COL4A2: variants seen among roughly 807,000 people sequenced by gnomAD.
COL4A2 encodes the protein collagen alpha-2(IV) chain.
COL4A2 carries 99 observed loss-of-function variants against 200.2 expected under a neutral mutation model. The ratio of observed to expected loss-of-function variants is 0.49; its 90% CI spans 0.42 to 0.58. The LOEUF is 0.58. Among genes scored for constraint, COL4A2 ranks in the 20% least tolerant of loss-of-function variants. The pLI, the probability that COL4A2 is intolerant of heterozygous loss-of-function variation, is 0.00. For synonymous variants in COL4A2, 897 were observed against 900.6 expected, an observed-to-expected ratio of 1.00 and a Z score of 0.07; for missense variants, 1,950 against 2,314.1, an observed-to-expected ratio of 0.84 and a Z score of 3.23.
chr13:110,419,046 T>C (rs1313778374), intron 4 of COL4A2, among the ~76,000 whole-genome samples: 2 of 152,190 alleles, frequency 1.3e-5, no homozygotes, highest in African/African-American at 4.8e-5. Flanking sequence ...AGAAATTAAC[T>C]AGGTCTTAGG....
chr13:110,510,578 T>C (rs1884049865), intron 47 of COL4A2, among the ~76,000 whole-genome samples: 2 of 152,164 alleles, frequency 1.3e-5, no homozygotes, highest in Non-Finnish European at 2.9e-5. Flanking sequence ...TGTGCACTTA[T>C]GCACGTGTGT....
chr13:110,361,350 C>T (rs1877504092), intron 4 of COL4A2, among the ~76,000 whole-genome samples: 1 of 152,182 alleles, frequency 6.6e-6, no homozygotes, highest in South Asian at 2.1e-4. Flanking sequence ...ACAGAGCTTG[C>T]TGTCGAAAGG....
chr13:110,425,662 T>C (rs1195711423), intron 6 of COL4A2, among the ~76,000 whole-genome samples: 1 of 152,212 alleles, frequency 6.6e-6, no homozygotes. Flanking sequence ...CGGCTACTGC[T>C]GTGGTTCTGA....
chr13:110,330,155 T>G (rs1875841134), intron 3 of COL4A2, among the ~76,000 whole-genome samples: 1 of 152,228 alleles, frequency 6.6e-6, no homozygotes, highest in African/African-American at 2.4e-5. Flanking sequence ...CCCCTTTAAC[T>G]GAGAATGGAC....
At chr13:110,449,848 GCA>G in intron 19 of COL4A2, 59 bp downstream of exon 19, 1 of 1,492,120 alleles carries the variant, frequency 6.7e-7, no homozygotes. Context: ...TCAGGTCCTA[GCA>G]CACACAAGGG....
chr13:110,351,142 G>A (rs778992660), intron 3 of COL4A2, among the ~76,000 whole-genome samples: 29 of 152,020 alleles, frequency 1.9e-4, no homozygotes, highest in South Asian at 4.2e-4. Flanking sequence ...TCCACCTCCC[G>A]GGCTCAAGCC....
At chr13:110,481,558 T>G (rs71445072) in intron 31 of COL4A2, among the ~76,000 whole-genome samples, 1,295 of 104,642 alleles carry the variant, frequency 0.012, 1 homozygote, top group African/African-American at 0.045. Flanking sequence ...TGCTCTGTCC[T>G]TCCATTGCTG....
chr13:110,495,608 G>T, intron 40 of COL4A2, 141 bp downstream of exon 40: 1 of 1,084,522 alleles, frequency 9.2e-7, no homozygotes, highest in Non-Finnish European at 1.3e-6. Context: ...AGGACTACCT[G>T]TTGCAGGACC....
In COL4A2 at chr13:110,513,152, G is replaced by A. The variant is rs894364714; in HGVS notation, c.*961G>A. 2.6e-5 allele frequency: 4 copies of A among 152,078 alleles called. No homozygotes were observed. The highest frequency in any genetic ancestry group is 5.9e-5 in the Non-Finnish European group (4 of 68,034). 9.4% of individuals were successfully genotyped at this position (152,078 alleles called of 1,614,324 possible). A position where few individuals can be genotyped will look rare whatever the true frequency, so the allele number is the denominator to read the frequency against. ...CATCTCAGTAGAGTTGAACCCATTC[G>A]TGGTATTACAGCCATTTCTCGGGGA... On this transcript the variant is annotated 3_prime_UTR_variant, in exon 48 of 48. Transcript: ENST00000360467.
At chr13:110,421,168 G>GA in intron 4 of COL4A2, among the ~76,000 whole-genome samples, 1 of 152,262 alleles carries the variant, frequency 6.6e-6, no homozygotes, top group African/African-American at 2.4e-5. Context: ...AGTCAGTGTG[G>GA]AAAAAGAAAT....
chr13:110,424,060 T>C (rs7984789), intron 4 of COL4A2, among the ~76,000 whole-genome samples: 145,941 of 152,222 alleles, frequency 0.96, 69,999 homozygotes, highest in East Asian at 1. Flanking sequence ...AGTGGAATCG[T>C]GGGATCCCGT....
In COL4A2 at chr13:110,513,166, A is replaced by G. The variant is rs1014606177; in HGVS notation, c.*975A>G. 3.9e-5 allele frequency: 6 copies of G among 151,952 alleles called. No individual in the cohort carries two copies. The highest frequency in any genetic ancestry group is 1.5e-4 in the African/African-American group (6 of 41,352). The allele number at this position is 151,952 out of a possible 1,614,324, so 9.4% of individuals were successfully genotyped here. On this transcript the variant is annotated 3_prime_UTR_variant, in exon 48 of 48. Transcript: ENST00000360467. The stretch of plus-strand genomic sequence containing the variant: ...TGAACCCATTCGTGGTATTACAGCC[A>G]TTTCTCGGGGAATGTGTTTGTTTAT...
intron 24 of COL4A2, among the ~76,000 whole-genome samples, chr13:110,464,742 G>T (rs763082188): frequency 2.6e-5 from 4 of 152,094 alleles, no homozygotes; most frequent in Non-Finnish European, 5.9e-5. Flanking sequence ...GAGCTTATGC[G>T]CATGGCTGTT....
chr13:110,507,889 C>T (rs1233453203), intron 46 of COL4A2, 46 bp from the exon 47 acceptor site: 1 of 1,588,574 alleles, frequency 6.3e-7, no homozygotes, highest in East Asian at 2.2e-5. Context: ...GCAGGTGCGT[C>T]TTCTAGCCAC....
intron 16 of COL4A2, among the ~76,000 whole-genome samples, chr13:110,444,136 C>G (rs1473470529): frequency 6.6e-6 from 1 of 152,226 alleles, no homozygotes; most frequent in African/African-American, 2.4e-5. Flanking sequence ...AGTTGTCCCC[C>G]TTCCCCAATG....
Position 110,503,241 on chromosome 13 carries a change from C to T in COL4A2, c.3998C>T (p.Pro1333Leu), listed in dbSNP as rs1207836357. The T allele has an allele frequency of 6.2e-7, 1 of 1,613,342 alleles. No homozygotes were observed. The highest frequency in any genetic ancestry group is 2.2e-5 in the East Asian group (1 of 44,864). The change falls in exon 42 of 48, where the codon CCC becomes CTC. Residue 1333 changes from proline (P) to leucine (L), a missense_variant. By Grantham distance (98) the Pro-to-Leu change is moderately conservative. This residue lies in a region of COL4A2 where 1,385 missense variants were observed against 1,720.5 expected (regional missense o/e 0.80). Coordinates refer to ENST00000360467, the MANE Select transcript of COL4A2 (RefSeq NM_001846.4). ...GTKGWAGDSGPQGRPGVFGLP... is the reference protein window; with the variant it reads ...GTKGWAGDSGLQGRPGVFGLP... ...AAAGGATGGGCCGGGGACTCCGGGC[C>T]CCAGGGCAGGCCTGGTGTGTTTGGT...
chr13:110,495,863 C>A (rs1422943586), intron 40 of COL4A2, among the ~76,000 whole-genome samples: 2 of 152,212 alleles, frequency 1.3e-5, no homozygotes, highest in Non-Finnish European at 2.9e-5. Context: ...AGGAAATGCC[C>A]AGAAACTTGT....
intron 8 of COL4A2, 85 bp downstream of exon 8, chr13:110,430,041 C>T (rs1468766567): frequency 7.3e-7 from 1 of 1,363,270 alleles, no homozygotes; most frequent in East Asian, 2.4e-5. Context: ...GTGAACTTTG[C>T]ATGTAAGAAT....
chr13:110,354,031 C>T (rs1239867405), intron 3 of COL4A2, among the ~76,000 whole-genome samples: 1 of 152,166 alleles, frequency 6.6e-6, no homozygotes, highest in Non-Finnish European at 1.5e-5. Flanking sequence ...CAGTGAATAT[C>T]GTAAACCTAG....
Sources: gnomAD v4.1 joint callset for allele counts (sites outside exome capture counted in the v4.1 genomes callset) on GRCh38, gnomAD v4.1.1 for gene constraint, gnomAD v4.1.1 regional missense constraint, MANE v1.5 for transcripts, NCBI Gene and HGNC (gene_info 2026-07-23, HGNC 2026-07-21) for gene names.